REPS2: variants seen among roughly 807,000 people sequenced by gnomAD.
The protein encoded by REPS2 is RALBP1 associated Eps domain containing 2, also known as ralBP1-associated Eps domain-containing protein 2.
Under a neutral mutation model 53.6 loss-of-function variants are expected in REPS2, and 23 were observed. The observed-to-expected ratio is 0.43, with a 90% CI of 0.31 to 0.61. REPS2 has a LOEUF of 0.61. Among genes scored for constraint, REPS2 ranks in the 20% least tolerant of loss-of-function variants. The probability of loss-of-function intolerance (pLI) is 0.11; values close to 1 mark genes in which losing one functional copy is unlikely to be tolerated. For missense variants in REPS2, 446 were observed against 534.9 expected, an observed-to-expected ratio of 0.83 and a Z score of 1.64; for synonymous variants, 238 against 218.6, an observed-to-expected ratio of 1.09 and a Z score of -0.78.
intron 14 of REPS2, among the ~76,000 whole-genome samples, chrX:17,131,963 A>G (rs2063298348): frequency 9.4e-6 from 1 of 106,777 alleles, no homozygotes; most frequent in Admixed American, 1.0e-4. Flanking sequence ...TTTTGTGAAC[A>G]GTCATGGTAT....
intron 5 of REPS2, among the ~76,000 whole-genome samples, chrX:17,039,721 C>T (rs1365032374): frequency 8.9e-6 from 1 of 112,276 alleles, no homozygotes; most frequent in Non-Finnish European, 1.9e-5. Flanking sequence ...AGTTTGTATT[C>T]TGGCTCTACC....
intron 1 of REPS2, among the ~76,000 whole-genome samples, chrX:16,991,864 C>A (rs1482226653): frequency 9.0e-6 from 1 of 111,492 alleles, no homozygotes; most frequent in Non-Finnish European, 1.9e-5. Flanking sequence ...CTGCAAGAAG[C>A]CAGGTGAGAC....
chrX:16,989,540 C>T (rs1361008904), intron 1 of REPS2, among the ~76,000 whole-genome samples: 1 of 111,609 alleles, frequency 9.0e-6, no homozygotes, highest in African/African-American at 3.3e-5. Context: ...ACTACGTATC[C>T]GACAAAGGAC....
intron 14 of REPS2, among the ~76,000 whole-genome samples, chrX:17,113,014 C>A (rs2062992910): frequency 1.0e-5 from 1 of 95,554 alleles, no homozygotes; most frequent in South Asian, 5.5e-4. Context: ...ATGGTGTGAA[C>A]CCAGGAGGCG....
intron 14 of REPS2, among the ~76,000 whole-genome samples, chrX:17,124,785 C>T (rs2063185362): frequency 9.3e-6 from 1 of 108,076 alleles, no homozygotes; most frequent in Admixed American, 9.9e-5. Context: ...TCTGACCTGC[C>T]AATATTGCAA....
intron 5 of REPS2, among the ~76,000 whole-genome samples, chrX:17,033,592 A>G (rs905901693): frequency 2.7e-5 from 3 of 111,986 alleles, no homozygotes; most frequent in Admixed American, 9.5e-5. Context: ...AGTCCTGACC[A>G]TACCACTTTT....
At chrX:17,161,147 TGGAATAGATG>T in the REPS2 span, among the ~76,000 whole-genome samples, 3 of 110,932 alleles carry the variant, frequency 2.7e-5, no homozygotes, top group African/African-American at 9.9e-5. Flanking sequence ...ATTTTGCATA[TGGAATAGATG>T]GGAATTATAG....
chrX:17,076,133 T>C (rs1035578826), intron 12 of REPS2, among the ~76,000 whole-genome samples: 1 of 112,263 alleles, frequency 8.9e-6, no homozygotes, highest in Non-Finnish European at 1.9e-5. Flanking sequence ...TTGAGAAATT[T>C]ATTCAGGAAA....
rs150706667 is a variant in REPS2 at position 17,062,253 on chromosome X, A to G, written c.1115-185A>G. Among the ~76,000 whole-genome samples the G allele has an allele frequency of 3.6e-5, 4 of 112,342 alleles. No individual in the cohort carries two copies. In the East Asian group the frequency reaches 1.1e-3, roughly 31 times the overall value. ...TCATCACATGTGAAATGGGGATAAT[A>G]GAAGTACTGGGTTGTCCATATAAAG... On this transcript the variant is annotated intron_variant, in intron 8 of 17. Coordinates refer to ENST00000357277, the MANE Select transcript of REPS2 (RefSeq NM_004726.3).
chrX:17,142,152 T>C (rs887460417), intron 17 of REPS2, among the ~76,000 whole-genome samples: 1 of 111,925 alleles, frequency 8.9e-6, no homozygotes, highest in African/African-American at 3.2e-5. Flanking sequence ...TTTATAACAA[T>C]TTGTCATTTG....
chrX:16,949,284 C>G lies in REPS2; in HGVS notation c.273+2150C>G, dbSNP rs187453835. Among the ~76,000 whole-genome samples the G allele has an allele frequency of 7.1e-5, 8 of 112,443 alleles. No individual in the cohort carries two copies. In the East Asian group the frequency reaches 2.2e-3, roughly 31 times the overall value. ...AGGCACTAACCAGTCCTGATATTTT[C>G]TATGGTAACAACCAGGTTTTCCTCT... On this transcript the variant is annotated intron_variant, in intron 1 of 17. Coordinates refer to ENST00000357277, the MANE Select transcript of REPS2 (RefSeq NM_004726.3).
At position 17,052,367 on chromosome X, in the gene REPS2, A is replaced by G; in HGVS notation, c.908-15A>G. On this transcript the variant is annotated splice_polypyrimidine_tract_variant and intron_variant, in intron 6 of 17. Coordinates refer to ENST00000357277, the MANE Select transcript of REPS2 (RefSeq NM_004726.3). ...TGAGTAATTAATGGTTTATTTAAAC[A>G]ATGGCACTTGACAGGTTCTGTGGCC... 3 of 1,197,298 alleles carry G rather than the reference A, an allele frequency of 2.5e-6. No individual in the cohort carries two copies. Among genetic ancestry groups the G allele is most frequent in the Non-Finnish European group, 3.4e-6 (3 of 885,749 alleles).
At chrX:17,055,732 G>A (rs1242854287) in intron 8 of REPS2, among the ~76,000 whole-genome samples, 7 of 100,863 alleles carry the variant, frequency 6.9e-5, no homozygotes, top group African/African-American at 2.2e-4. Flanking sequence ...GTAAACTATC[G>A]CAAGAACAAA....
chrX:17,129,528 T>C (rs2063264694), intron 14 of REPS2, among the ~76,000 whole-genome samples: 1 of 111,827 alleles, frequency 8.9e-6, no homozygotes, highest in Non-Finnish European at 1.9e-5. Flanking sequence ...GGATTGATGG[T>C]CAGATTTAGC....
chrX:17,054,465 C>G (rs1173335253), intron 7 of REPS2, among the ~76,000 whole-genome samples: 1 of 112,374 alleles, frequency 8.9e-6, no homozygotes, highest in Non-Finnish European at 1.9e-5. Context: ...CTTTTCACCC[C>G]ATGCAGCCTG....
intron 5 of REPS2, among the ~76,000 whole-genome samples, chrX:17,044,951 C>T (rs904957660): frequency 7.2e-5 from 8 of 111,326 alleles, no homozygotes; most frequent in Admixed American, 1.9e-4. Context: ...TTTACTGAGA[C>T]GGAGTTTCGC....
intron 1 of REPS2, among the ~76,000 whole-genome samples, chrX:16,982,803 C>T (rs2061034967): frequency 8.9e-6 from 1 of 112,070 alleles, no homozygotes; most frequent in African/African-American, 3.2e-5. Context: ...TGGACACAGG[C>T]TCCATCAGCT....
At chrX:16,966,840 ACTT>A (rs2060776697) in intron 1 of REPS2, among the ~76,000 whole-genome samples, 1 of 112,361 alleles carries the variant, frequency 8.9e-6, no homozygotes. Flanking sequence ...GCCCAATACT[ACTT>A]TTAGAACATT....
In REPS2 at chrX:17,150,293, G is replaced by T. The variant is rs1312838066; in HGVS notation, c.*2812G>T. The T allele has an allele frequency of 8.9e-6, 1 of 112,290 alleles. No individual in the cohort carries two copies. The highest frequency in any genetic ancestry group is 1.9e-5 in the Non-Finnish European group (1 of 53,255). The allele number at this position is 112,290 out of a possible 1,213,427, so 9.3% of individuals were successfully genotyped here. ...CAAAGTTAGACCTGCCTGTTGGGGAGAATTCTATAGACAGAAGGTCAATGT... is the reference window on the plus strand; with the variant it reads ...CAAAGTTAGACCTGCCTGTTGGGGATAATTCTATAGACAGAAGGTCAATGT... On this transcript the variant is annotated 3_prime_UTR_variant, in exon 18 of 18. Coordinates refer to ENST00000357277, the MANE Select transcript of REPS2 (RefSeq NM_004726.3).
Sources: allele counts gnomAD v4.1 joint callset (sites outside exome capture counted in the v4.1 genomes callset), GRCh38; gene constraint gnomAD v4.1.1; transcripts MANE v1.5; gene names NCBI Gene and HGNC (gene_info 2026-07-23, HGNC 2026-07-21).